The following CDC26 variants were observed in gnomAD, a reference collection of about 807,000 sequenced individuals.
CDC26 encodes anaphase-promoting complex subunit CDC26.
CDC26 carries 2 observed loss-of-function variants against 8.0 expected under a neutral mutation model. The ratio of observed to expected loss-of-function variants is 0.25; its 90% CI spans 0.10 to 0.79. The LOEUF is 0.79. Among genes scored for constraint, CDC26 ranks in the 30% least tolerant of loss-of-function variants. The pLI is 0.70. For missense variants in CDC26, 68 were observed against 106.0 expected (o/e 0.64, Z 1.57); for synonymous variants, 19 against 34.9 (o/e 0.55, Z 1.60).
chr9:113,267,294 C>T lies in CDC26; in HGVS notation c.227G>A (p.Arg76His), dbSNP rs137925599. The change falls in exon 4 of 4, where the codon CGT (arginine) becomes CAT (histidine). Residue 76 changes from arginine (R) to histidine (H), a missense_variant. By Grantham distance (29) the Arg-to-His change is conservative (BLOSUM62 0). Transcript: ENST00000374206. ...GYKPQPKPNN[R>H]SSQFGSLEF ...TTCAAGACTTCCAAATTGAGATGAA[C>T]GATTATTGGGCTTGGGTTGGGGTTT... 3,941 of 1,547,042 alleles carry T rather than the reference C, an allele frequency of 2.5e-3. 6 individuals are homozygous for T. The highest frequency in any genetic ancestry group is 3.0e-3 in the Non-Finnish European group (3,427 of 1,145,520).
intron 3 of CDC26, among the ~76,000 whole-genome samples, chr9:113,271,797 C>T (rs1831961128): frequency 6.6e-6 from 1 of 152,182 alleles, no homozygotes; most frequent in Non-Finnish European, 1.5e-5. Flanking sequence ...GCTTAAGAGT[C>T]TGCAGTTCAG....
chr9:113,267,650 C>T (rs976260051), intron 3 of CDC26, among the ~76,000 whole-genome samples: 10 of 151,942 alleles, frequency 6.6e-5, no homozygotes, highest in African/African-American at 2.2e-4. Context: ...GTCAGGAGTT[C>T]GAGACTAGCC....
At chr9:113,273,995 T>A (rs1832007713) in intron 1 of CDC26, among the ~76,000 whole-genome samples, 1 of 152,174 alleles carries the variant, frequency 6.6e-6, no homozygotes, top group Non-Finnish European at 1.5e-5. Flanking sequence ...CTCCACAGCA[T>A]CCCCTAGAGT....
At chr9:113,270,618 G>T (rs373091626) in intron 3 of CDC26, among the ~76,000 whole-genome samples, 1 of 152,216 alleles carries the variant, frequency 6.6e-6, no homozygotes, top group African/African-American at 2.4e-5. Flanking sequence ...AAATTGAAGA[G>T]TTGACATTTG....
intron 1 of CDC26, among the ~76,000 whole-genome samples, chr9:113,275,141 G>A (rs1832040117): frequency 6.6e-6 from 1 of 152,100 alleles, no homozygotes; most frequent in African/African-American, 2.4e-5. Flanking sequence ...CAAATCCACC[G>A]CCGAGCCATC....
At position 113,273,369 on chromosome 9, in the gene CDC26, A is replaced by T. The variant is rs1406645559; in HGVS notation, c.-82T>A. On this transcript the variant is annotated 5_prime_UTR_variant, in exon 2 of 4. Transcript: ENST00000374206. Reference sequence around the variant, plus strand: ...TCCTCCGCGTCCAAACAGATCTTAAATGTGTACGTCATTCATTAAACAAAC... The same window carrying T: ...TCCTCCGCGTCCAAACAGATCTTAATTGTGTACGTCATTCATTAAACAAAC... The T allele has an allele frequency of 6.6e-6, 1 of 152,240 alleles. No homozygotes were observed. Among genetic ancestry groups the T allele is most frequent in the Non-Finnish European group, 1.5e-5 (1 of 68,036 alleles). The allele number at this position is 152,240 out of a possible 1,614,324, so 9.4% of individuals were successfully genotyped here.
chr9:113,275,423 C>T lies in CDC26; in HGVS notation c.-193G>A. On this transcript the variant is annotated 5_prime_UTR_variant, in exon 1 of 4. Transcript: ENST00000374206. ...CTAGCCCCTTCCCGGAACCTCGGCT[C>T]CCCCCCAACGAAACTACTGCTAAGC... The T allele has an allele frequency of 3.1e-6, 1 of 320,664 alleles. No homozygotes were observed. The highest frequency in any genetic ancestry group is 5.7e-6 in the Non-Finnish European group (1 of 173,948). 19.9% of individuals were successfully genotyped at this position (320,664 alleles called of 1,614,324 possible). A position where few individuals can be genotyped will look rare whatever the true frequency, so the allele number is the denominator to read the frequency against.
intron 3 of CDC26, among the ~76,000 whole-genome samples, chr9:113,269,389 C>A (rs189827618): frequency 5.9e-5 from 9 of 152,276 alleles, no homozygotes; most frequent in Non-Finnish European, 1.0e-4. Context: ...AAAAGGCAAA[C>A]AACTCTATCA....
chr9:113,274,904 T>C (rs1267921484), intron 1 of CDC26, among the ~76,000 whole-genome samples: 2 of 152,140 alleles, frequency 1.3e-5, no homozygotes, highest in African/African-American at 4.8e-5. Flanking sequence ...CCACCGCCCA[T>C]GTGGGGATAA....
chr9:113,273,679 A>G (rs1831995072), intron 1 of CDC26, among the ~76,000 whole-genome samples: 1 of 152,002 alleles, frequency 6.6e-6, no homozygotes, highest in Admixed American at 6.6e-5. Context: ...CCCTGTCTCT[A>G]CAAAAAAGTA....
At position 113,272,411 on chromosome 9, in the gene CDC26, A is replaced by C. The variant is rs377045950; in HGVS notation, c.81+16T>G. On this transcript the variant is annotated intron_variant, in intron 3 of 3. Coordinates refer to ENST00000374206, the MANE Select transcript of CDC26 (RefSeq NM_139286.4). ...GCGAGACTCCATCTCAAAAAAACAC[A>C]AAGTTGTATTCATACCTCCAGGTCC... The C allele has an allele frequency of 1.2e-5, 19 of 1,598,664 alleles. No homozygotes were observed. In the African/African-American group the frequency reaches 2.1e-4, roughly 18 times the overall value.
intron 3 of CDC26, among the ~76,000 whole-genome samples, chr9:113,270,005 C>T (rs533407720): frequency 6.6e-6 from 1 of 152,300 alleles, no homozygotes; most frequent in East Asian, 1.9e-4. Context: ...ATACTAATCC[C>T]TGACTTCAAG....
In CDC26 at chr9:113,271,950, G is replaced by A. The variant is rs867306154; in HGVS notation, c.81+477C>T. Among the ~76,000 whole-genome samples, 6 of 152,146 alleles carry A rather than the reference G, an allele frequency of 3.9e-5. No individual in the cohort carries two copies. In the South Asian group the frequency reaches 8.3e-4, roughly 21 times the overall value. ...ACTCCTGGGCTCAAGCAATCCTCCC[G>A]CCTCCGCCTCCTGAGTAGCTCAGGC... On this transcript the variant is annotated intron_variant, in intron 3 of 3. Coordinates refer to ENST00000374206, the MANE Select transcript of CDC26 (RefSeq NM_139286.4).
At chr9:113,269,728 A>G (rs576007566) in intron 3 of CDC26, among the ~76,000 whole-genome samples, 3 of 152,368 alleles carry the variant, frequency 2.0e-5, no homozygotes, top group African/African-American at 7.2e-5. Context: ...CTCATGCTTA[A>G]TAATATATGA....
rs373384413 is a variant in CDC26 at position 113,275,428 on chromosome 9, C to A, written c.-198G>T. On this transcript the variant is annotated 5_prime_UTR_variant, in exon 1 of 4. Transcript: ENST00000374206. ...CCCTTCCCGGAACCTCGGCTCCCCC[C>A]CAACGAAACTACTGCTAAGCCAACT... 1.1e-4 allele frequency: 37 copies of A among 334,298 alleles called. No homozygotes were observed. The highest frequency in any genetic ancestry group is 4.9e-4 in the East Asian group (10 of 20,576). 20.7% of individuals were successfully genotyped at this position (334,298 alleles called of 1,614,324 possible). A position where few individuals can be genotyped will look rare whatever the true frequency, so the allele number is the denominator to read the frequency against.
chr9:113,269,042 C>A (rs947345597), intron 3 of CDC26, among the ~76,000 whole-genome samples: 3 of 152,262 alleles, frequency 2.0e-5, no homozygotes, highest in Admixed American at 6.5e-5. Flanking sequence ...GCATGAGCCA[C>A]CGCACCCGGC....
intron 3 of CDC26, among the ~76,000 whole-genome samples, chr9:113,269,934 T>C (rs1025014950): frequency 2.0e-5 from 3 of 152,158 alleles, no homozygotes; most frequent in Admixed American, 6.5e-5. Context: ...CAAATGAAAA[T>C]AGACTTGCAT....
chr9:113,267,582 G>T, intron 3 of CDC26, 143 bp from the exon 4 acceptor site: 1 of 1,070,532 alleles, frequency 9.3e-7, no homozygotes, highest in Non-Finnish European at 1.3e-6. Context: ...TAGGTTTGGA[G>T]TACTTAGGGG....
chr9:113,275,369 T>C lies in CDC26; in HGVS notation c.-152+13A>G, dbSNP rs182309345. ...AGAGTTCAGCCCCGAGCCGCGCGAGTCGACTCACCTACCTCTTTTCAAGCC... is the reference window on the plus strand; with the variant it reads ...AGAGTTCAGCCCCGAGCCGCGCGAGCCGACTCACCTACCTCTTTTCAAGCC... On this transcript the variant is annotated intron_variant, in intron 1 of 3. Transcript: ENST00000374206. 9.0e-4 allele frequency: 183 copies of C among 202,230 alleles called. 2 individuals are homozygous for C. Among genetic ancestry groups the C allele is most frequent in the African/African-American group, 3.7e-3 (162 of 43,268 alleles). The allele number at this position is 202,230 out of a possible 1,614,324, so 12.5% of individuals were successfully genotyped here.
Sources: gnomAD v4.1 joint callset for allele counts (sites outside exome capture counted in the v4.1 genomes callset) on GRCh38, gnomAD v4.1.1 for gene constraint, MANE v1.5 for transcripts, NCBI Gene and HGNC (gene_info 2026-07-23, HGNC 2026-07-21) for gene names.